The following PRKAA2 variants were observed in gnomAD, a reference collection of about 807,000 sequenced individuals.
PRKAA2 encodes the protein 5'-AMP-activated protein kinase catalytic subunit alpha-2.
A neutral mutation model predicts 56.3 loss-of-function variants in PRKAA2; 40 were observed. The ratio of observed to expected loss-of-function variants is 0.71; its 90% CI spans 0.55 to 0.92. PRKAA2 has a LOEUF of 0.92. Among genes scored for constraint, PRKAA2 ranks in the 40% least tolerant of loss-of-function variants. The probability of loss-of-function intolerance (pLI) is 0.00; values close to 1 mark genes in which losing one functional copy is unlikely to be tolerated. For synonymous variants in PRKAA2, 214 were observed against 234.2 expected, an observed-to-expected ratio of 0.91 and a Z score of 0.79; for missense variants, 542 against 686.9, an observed-to-expected ratio of 0.79 and a Z score of 2.36.
At chr1:56,652,185 T>C (rs1392172543) in intron 1 of PRKAA2, among the ~76,000 whole-genome samples, 1 of 151,318 alleles carries the variant, frequency 6.6e-6, no homozygotes, top group East Asian at 2.0e-4. Flanking sequence ...GCTAATTTTT[T>C]GTATTGTAGT....
chr1:56,692,361 G>C lies in PRKAA2; in HGVS notation c.334G>C (p.Glu112Gln), dbSNP rs906020143. 4 of 1,613,824 alleles carry C rather than the reference G, an allele frequency of 2.5e-6. No individual in the cohort carries two copies. The African/African-American group carries it at 5.3e-5, about 22-fold the overall frequency. ...CAGTTTCTTTTGTGCTTGATAGGTT[G>C]AAGAGATGGAAGCCAGGCGGCTCTT... ...FDYICKHGRV[E>Q]EMEARRLFQQ... The change falls in exon 4 of 9, where the codon GAA (glutamate) becomes CAA (glutamine). Residue 112 changes from glutamate (E) to glutamine (Q), a missense_variant. By Grantham distance (29) the Glu-to-Gln change is conservative. Coordinates refer to ENST00000371244, the MANE Select transcript of PRKAA2 (RefSeq NM_006252.4).
intron 1 of PRKAA2, among the ~76,000 whole-genome samples, chr1:56,659,496 C>CAA (rs200680621): frequency 1.2e-4 from 10 of 82,838 alleles, no homozygotes; most frequent in East Asian, 9.2e-4. Flanking sequence ...GACTCTGTCT[C>CAA]AAAAAAAAAA....
chr1:56,651,166 A>T (rs1295519527), intron 1 of PRKAA2, among the ~76,000 whole-genome samples: 1 of 152,162 alleles, frequency 6.6e-6, no homozygotes, highest in Non-Finnish European at 1.5e-5. Context: ...CCGATTTTTA[A>T]AAGATTTAAC....
intron 2 of PRKAA2, among the ~76,000 whole-genome samples, chr1:56,684,014 T>C (rs1421722208): frequency 3.3e-5 from 5 of 152,152 alleles, no homozygotes; most frequent in African/African-American, 4.8e-5. Context: ...CTGTAAAAGA[T>C]GATGTTGGCT....
At chr1:56,676,519 C>T (rs978111890) in intron 2 of PRKAA2, among the ~76,000 whole-genome samples, 2 of 152,106 alleles carry the variant, frequency 1.3e-5, no homozygotes, top group African/African-American at 4.8e-5. Context: ...TCTGCTGGCA[C>T]CTTGATTTTA....
intron 8 of PRKAA2, 131 bp downstream of exon 8, chr1:56,706,349 A>G (rs1644332028): frequency 1.0e-6 from 1 of 952,970 alleles, no homozygotes; most frequent in Non-Finnish European, 1.5e-6. Context: ...AGACTTAACC[A>G]AAATGTAAGT....
chr1:56,660,672 A>G (rs1231012362), intron 1 of PRKAA2, among the ~76,000 whole-genome samples: 1 of 152,180 alleles, frequency 6.6e-6, no homozygotes, highest in Non-Finnish European at 1.5e-5. Context: ...ATTGAAGGGT[A>G]AAATTATGTG....
Position 56,708,157 on chromosome 1 carries a change from T to C in PRKAA2, c.*444T>C, listed in dbSNP as rs1263700626. The C allele has an allele frequency of 1.2e-5, 2 of 160,172 alleles. No individual in the cohort carries two copies. The highest frequency in any genetic ancestry group is 5.8e-5 in the Admixed American group (1 of 17,188). The allele number at this position is 160,172 out of a possible 1,614,324, so 9.9% of individuals were successfully genotyped here. A position where few individuals can be genotyped will look rare whatever the true frequency, so the allele number is the denominator to read the frequency against. On this transcript the variant is annotated 3_prime_UTR_variant, in exon 9 of 9. Transcript: ENST00000371244. ...CCCAATTTATTTTAACAAAAGAAGA[T>C]TAAAAAGTAAAAGAACCACGAGTAA...
At chr1:56,664,900 A>G (rs1400519476) in intron 1 of PRKAA2, among the ~76,000 whole-genome samples, 6 of 151,788 alleles carry the variant, frequency 4.0e-5, no homozygotes, top group Non-Finnish European at 8.8e-5. Context: ...ACATATATAC[A>G]TACATACAAA....
At chr1:56,677,255 A>T (rs1644120059) in intron 2 of PRKAA2, among the ~76,000 whole-genome samples, 1 of 152,190 alleles carries the variant, frequency 6.6e-6, no homozygotes, top group African/African-American at 2.4e-5. Context: ...CTCTTTCATT[A>T]TTCCAGATGG....
intron 2 of PRKAA2, among the ~76,000 whole-genome samples, chr1:56,680,562 A>G (rs1408456585): frequency 2.0e-5 from 3 of 151,886 alleles, no homozygotes; most frequent in Non-Finnish European, 2.9e-5. Context: ...CCTGTGTCCA[A>G]GTGTTCTCAT....
rs184144684 is a variant in PRKAA2, at chr1:56,653,179, T to A, written c.94+7698T>A. On this transcript the variant is annotated intron_variant, in intron 1 of 8. Coordinates refer to ENST00000371244, the MANE Select transcript of PRKAA2 (RefSeq NM_006252.4). Reference sequence around the variant, plus strand: ...ATTATGTTTCTTCTCAAATACTAGATTAGTGATTGAATTAAAATCAGTTGA... The same window carrying A: ...ATTATGTTTCTTCTCAAATACTAGAATAGTGATTGAATTAAAATCAGTTGA... Among the ~76,000 whole-genome samples the A allele has an allele frequency of 4.5e-3, 678 of 151,648 alleles. 3 individuals carry two copies. The highest frequency in any genetic ancestry group is 0.016 in the African/African-American group (647 of 41,438).
At chr1:56,671,332 G>A (rs968909186) in intron 1 of PRKAA2, 3 of 152,164 alleles carry the variant, frequency 2.0e-5, no homozygotes, top group African/African-American at 7.2e-5. Context: ...GATTTAAGGA[G>A]AGAGACGTAT....
intron 6 of PRKAA2, among the ~76,000 whole-genome samples, chr1:56,698,968 G>A (rs1644276284): frequency 1.3e-5 from 2 of 152,154 alleles, no homozygotes; most frequent in South Asian, 4.1e-4. Flanking sequence ...CATAGTTAAA[G>A]TGAGCGGTCT....
chr1:56,690,194 C>T (rs550963549), intron 2 of PRKAA2, among the ~76,000 whole-genome samples: 71 of 148,236 alleles, frequency 4.8e-4, no homozygotes, highest in African/African-American at 1.6e-3. Context: ...AGCGGAGTCT[C>T]GCTCTGTTGC....
chr1:56,672,329 C>T (rs111544902), intron 1 of PRKAA2, among the ~76,000 whole-genome samples: 32,584 of 151,992 alleles, frequency 0.21, 4,024 homozygotes, highest in South Asian at 0.46. Flanking sequence ...GTTGCCCAGG[C>T]TGGTCTCGAA....
chr1:56,653,480 G>A (rs1643916767), intron 1 of PRKAA2, among the ~76,000 whole-genome samples: 2 of 152,000 alleles, frequency 1.3e-5, no homozygotes, highest in Admixed American at 1.3e-4. Flanking sequence ...TAGAAGACCT[G>A]GTGTGGAACC....
chr1:56,648,779 C>T (rs1375242679), intron 1 of PRKAA2, among the ~76,000 whole-genome samples: 1 of 152,124 alleles, frequency 6.6e-6, no homozygotes, highest in Non-Finnish European at 1.5e-5. Context: ...CTCATTGAGG[C>T]ATTAATTTTG....
chr1:56,673,681 A>G (rs951617830), intron 1 of PRKAA2, among the ~76,000 whole-genome samples: 9 of 152,370 alleles, frequency 5.9e-5, no homozygotes, highest in Admixed American at 5.9e-4. Flanking sequence ...ACCTCTGTGT[A>G]CAAAGCACTG....
Sources: allele counts gnomAD v4.1 joint callset (sites outside exome capture counted in the v4.1 genomes callset), GRCh38; gene constraint gnomAD v4.1.1; transcripts MANE v1.5; gene names NCBI Gene and HGNC (gene_info 2026-07-23, HGNC 2026-07-21).